SGCD: variants seen among roughly 807,000 people sequenced by gnomAD.
SGCD encodes delta-sarcoglycan.
SGCD carries 18 observed loss-of-function variants against 36.6 expected under a neutral mutation model. The ratio of observed to expected loss-of-function variants is 0.49; its 90% CI spans 0.34 to 0.73. SGCD has a LOEUF of 0.73. SGCD is among the 30% of genes least tolerant of loss of function. The pLI is 0.01. For synonymous variants in SGCD, 133 were observed against 130.6 expected (o/e 1.02, Z -0.12); for missense variants, 387 against 346.7 (o/e 1.12, Z -0.92).
intron 3 of SGCD, among the ~76,000 whole-genome samples, chr5:156,184,469 A>G (rs1041914138): frequency 3.9e-5 from 6 of 152,014 alleles, no homozygotes; most frequent in Non-Finnish European, 8.8e-5. Flanking sequence ...AATAATTTAA[A>G]TAAGATGCTA....
At chr5:156,061,979 T>A (rs201984751) in intron 1 of SGCD, among the ~76,000 whole-genome samples, 7,027 of 88,806 alleles carry the variant, frequency 0.079, 1,129 homozygotes, top group East Asian at 0.43. Context: ...ATGTGCACAT[T>A]GTGCAGGTTA....
At chr5:155,865,227 A>G in the SGCD span, among the ~76,000 whole-genome samples, 2 of 152,154 alleles carry the variant, frequency 1.3e-5, no homozygotes, top group African/African-American at 2.4e-5. Context: ...AACATAAAAT[A>G]TATGTTAACA....
At chr5:156,446,648 A>G (rs75499225) in intron 3 of SGCD, among the ~76,000 whole-genome samples, 3,690 of 152,248 alleles carry the variant, frequency 0.024, 59 homozygotes, top group African/African-American at 0.04. Context: ...CAGATGGCCA[A>G]AGTTCTACCT....
At chr5:155,733,234 T>C in the SGCD span, among the ~76,000 whole-genome samples, 3 of 152,154 alleles carry the variant, frequency 2.0e-5, no homozygotes, top group Admixed American at 1.3e-4. Flanking sequence ...CTCCCCTTCA[T>C]TATTAAGCTT....
intron 1 of SGCD, among the ~76,000 whole-genome samples, chr5:156,076,963 A>G (rs1473017087): frequency 6.6e-6 from 1 of 152,198 alleles, no homozygotes; most frequent in African/African-American, 2.4e-5. Context: ...AGCTTTATAT[A>G]CAATGTTTGT....
At chr5:155,838,815 T>TG in the SGCD span, among the ~76,000 whole-genome samples, 1 of 151,514 alleles carries the variant, frequency 6.6e-6, no homozygotes, top group Admixed American at 6.6e-5. Context: ...CTTATTTTTT[T>TG]GGGGGGGAAT....
the SGCD span, among the ~76,000 whole-genome samples, chr5:155,817,748 A>G: frequency 6.6e-6 from 1 of 152,116 alleles, no homozygotes; most frequent in Non-Finnish European, 1.5e-5. Context: ...CTTAATACAT[A>G]AAAAAATAAG....
Position 156,760,851 on chromosome 5 carries a change from T to C in SGCD, c.*1461T>C, listed in dbSNP as rs1043697217. 7 of 152,634 alleles carry C rather than the reference T, an allele frequency of 4.6e-5. No individual in the cohort carries two copies. Among genetic ancestry groups the C allele is most frequent in the African/African-American group, 1.7e-4 (7 of 41,444 alleles). The allele number at this position is 152,634 out of a possible 1,614,324, so 9.5% of individuals were successfully genotyped here. On this transcript the variant is annotated 3_prime_UTR_variant, in exon 9 of 9. Coordinates refer to ENST00000337851, the MANE Select transcript of SGCD (RefSeq NM_000337.6). Reference sequence around the variant, plus strand: ...CACATCTTATTTATCTTGTTACCTATAGTTTACTTTGGGTGATTGGAGGGG... The same window carrying C: ...CACATCTTATTTATCTTGTTACCTACAGTTTACTTTGGGTGATTGGAGGGG...
the SGCD span, among the ~76,000 whole-genome samples, chr5:155,804,976 A>G: frequency 6.6e-6 from 1 of 152,220 alleles, no homozygotes; most frequent in African/African-American, 2.4e-5. Context: ...CACAGTTGCC[A>G]TTAGCCACAT....
chr5:156,141,349 C>T lies in SGCD; in HGVS notation c.-44+17330C>T, dbSNP rs143181252. 1.4e-3 allele frequency among the ~76,000 whole-genome samples: 218 copies of T among 152,212 alleles called. 1 individual carries two copies. Among genetic ancestry groups the T allele is most frequent in the African/African-American group, 4.9e-3 (205 of 41,540 alleles). Reference sequence around the variant, plus strand: ...ATGGGAGCAAGGTCACCCCAAGACCCCAGAACTATGGAGGCACCAAAGTGT... The same window carrying T: ...ATGGGAGCAAGGTCACCCCAAGACCTCAGAACTATGGAGGCACCAAAGTGT... On this transcript the variant is annotated intron_variant, in intron 3 of 9. Transcript: ENST00000517913.
chr5:156,524,163 TAC>T (rs1446155017), intron 4 of SGCD, among the ~76,000 whole-genome samples: 1 of 105,506 alleles, frequency 9.5e-6, no homozygotes, highest in Non-Finnish European at 1.9e-5. Flanking sequence ...TACATAAAAC[TAC>T]AGTTTTATAT....
intron 1 of SGCD, among the ~76,000 whole-genome samples, chr5:155,896,430 G>A (rs968031851): frequency 1.3e-5 from 2 of 149,324 alleles, no homozygotes; most frequent in African/African-American, 2.5e-5. Context: ...GAGCTCAGGA[G>A]TTTGAGACCA....
intron 3 of SGCD, among the ~76,000 whole-genome samples, chr5:156,249,864 C>T (rs1000921435): frequency 6.6e-6 from 1 of 151,966 alleles, no homozygotes; most frequent in Non-Finnish European, 1.5e-5. Flanking sequence ...CAAAGAAAAA[C>T]CAAAATCATA....
intron 3 of SGCD, among the ~76,000 whole-genome samples, chr5:156,143,648 T>C (rs976148799): frequency 1.3e-5 from 2 of 152,136 alleles, no homozygotes; most frequent in Admixed American, 1.3e-4. Flanking sequence ...TCACAGAAGA[T>C]TATTTTGGAG....
At chr5:156,178,867 G>T (rs1763535604) in intron 3 of SGCD, among the ~76,000 whole-genome samples, 1 of 152,130 alleles carries the variant, frequency 6.6e-6, no homozygotes, top group African/African-American at 2.4e-5. Flanking sequence ...CGCCCAGCCT[G>T]AATGTATTAA....
chr5:156,658,551 A>G (rs1253056048), intron 7 of SGCD, among the ~76,000 whole-genome samples: 1 of 65,666 alleles, frequency 1.5e-5, no homozygotes, highest in Non-Finnish European at 2.7e-5. Context: ...GGGTAAGGTC[A>G]TAGATTAACA....
intron 7 of SGCD, among the ~76,000 whole-genome samples, chr5:156,685,416 CA>C (rs905352486): frequency 2.9e-4 from 44 of 152,266 alleles, no homozygotes; most frequent in African/African-American, 9.6e-4. Context: ...TTCTTTCCTG[CA>C]GGGAAATGGA....
At chr5:155,742,401 T>C in the SGCD span, among the ~76,000 whole-genome samples, 1 of 152,116 alleles carries the variant, frequency 6.6e-6, no homozygotes, top group Non-Finnish European at 1.5e-5. Context: ...GTAAAGACAA[T>C]GCTTTCTGTC....
In SGCD at chr5:156,229,297, T is replaced by TATATACACATATATATATATATAA. The variant is rs1554085621; in HGVS notation, c.-43-100234_-43-100233insTACACATATATATATATATAAATA. Among the ~76,000 whole-genome samples, 12 of 119,882 alleles carry TATATACACATATATATATATATAA rather than the reference T, an allele frequency of 1.0e-4. 1 individual carries two copies. Among genetic ancestry groups the TATATACACATATATATATATATAA allele is most frequent in the African/African-American group, 3.5e-4 (11 of 31,216 alleles). The allele number at this position is 119,882 out of a possible 152,430, so 78.6% of individuals were successfully genotyped here. The stretch of plus-strand genomic sequence containing the variant: ...ACATACATATATATATATATATATA[T>TATATACACATATATATATATATAA]ATAAAATTAGTTCTTCCATTGGTTC... On this transcript the variant is annotated intron_variant, in intron 3 of 9. Transcript: ENST00000517913.
Sources: gnomAD v4.1 joint callset for allele counts (sites outside exome capture counted in the v4.1 genomes callset) on GRCh38, gnomAD v4.1.1 for gene constraint, MANE v1.5 for transcripts, NCBI Gene and HGNC (gene_info 2026-07-23, HGNC 2026-07-21) for gene names.